Variants in MAPRE2 observed in about 807,000 individuals in gnomAD.
MAPRE2 encodes the protein microtubule-associated protein RP/EB family member 2.
MAPRE2 carries 13 observed loss-of-function variants against 43.2 expected under a neutral mutation model. The observed-to-expected ratio is 0.30, with a 90% confidence interval of 0.20 to 0.48. MAPRE2 has a LOEUF of 0.48. Among genes scored for constraint, MAPRE2 ranks in the 20% least tolerant of loss-of-function variants. The pLI is 0.99. For synonymous variants in MAPRE2, 135 were observed against 148.8 expected, an observed-to-expected ratio of 0.91 and a Z score of 0.68; for missense variants, 161 against 400.2, an observed-to-expected ratio of 0.40 and a Z score of 5.10.
chr18:34,979,478 G>A (rs2097014945), intron 1 of MAPRE2, among the ~76,000 whole-genome samples: 1 of 151,746 alleles, frequency 6.6e-6, no homozygotes, highest in African/African-American at 2.4e-5. Flanking sequence ...CACTCCCTTT[G>A]TAGCACACCA....
intron 2 of MAPRE2, among the ~76,000 whole-genome samples, chr18:35,015,304 A>T (rs2097037445): frequency 6.6e-6 from 1 of 152,114 alleles, no homozygotes; most frequent in Non-Finnish European, 1.5e-5. Context: ...ACTGTGTAAT[A>T]CCTGAACACC....
chr18:34,999,731 T>C (rs1173592571), intron 1 of MAPRE2, among the ~76,000 whole-genome samples: 1 of 152,150 alleles, frequency 6.6e-6, no homozygotes, highest in Admixed American at 6.5e-5. Flanking sequence ...GAAGAATGAG[T>C]TGTACCAGAC....
intron 4 of MAPRE2, among the ~76,000 whole-genome samples, chr18:35,106,560 G>T (rs1003150820): frequency 6.6e-6 from 1 of 152,132 alleles, no homozygotes; most frequent in South Asian, 2.1e-4. Flanking sequence ...GATTGCTTAT[G>T]TATAAAATAG....
intron 2 of MAPRE2, 56 bp downstream of exon 2, chr18:35,070,378 T>A: frequency 7.1e-7 from 1 of 1,414,508 alleles, no homozygotes; most frequent in Non-Finnish European, 9.4e-7. Flanking sequence ...TCATGTGGAA[T>A]GTGATTTTAT....
chr18:35,037,623 C>T (rs929645567), upstream of MAPRE2, among the ~76,000 whole-genome samples: 10 of 152,216 alleles, frequency 6.6e-5, no homozygotes, highest in Admixed American at 3.9e-4. Flanking sequence ...TAAGACAAAA[C>T]CTAAATCCAC....
chr18:34,986,772 G>A (rs929225950), intron 1 of MAPRE2, among the ~76,000 whole-genome samples: 1 of 152,196 alleles, frequency 6.6e-6, no homozygotes, highest in Admixed American at 6.5e-5. Context: ...CTTTTCTGTA[G>A]AGTTGCCAGG....
At chr18:35,036,870 G>A (rs184350111), upstream of MAPRE2, among the ~76,000 whole-genome samples, 12 of 152,272 alleles carry the variant, frequency 7.9e-5, no homozygotes, top group Admixed American at 1.3e-4. Context: ...CAGATAGAGC[G>A]GTGAACAAAA....
chr18:35,047,530 C>T (rs149301594), intron 1 of MAPRE2, among the ~76,000 whole-genome samples: 3 of 152,178 alleles, frequency 2.0e-5, no homozygotes, highest in African/African-American at 7.2e-5. Flanking sequence ...ACCTACAATT[C>T]ACATAGGCAA....
intron 4 of MAPRE2, among the ~76,000 whole-genome samples, chr18:35,109,205 A>G (rs753050948): frequency 6.6e-6 from 1 of 152,162 alleles, no homozygotes; most frequent in South Asian, 2.1e-4. Flanking sequence ...TCCCAGTACC[A>G]TTTACTGAAT....
chr18:35,068,804 G>A (rs1403633927), intron 1 of MAPRE2, among the ~76,000 whole-genome samples: 1 of 152,206 alleles, frequency 6.6e-6, no homozygotes, highest in Non-Finnish European at 1.5e-5. Flanking sequence ...GCAGTCAGAG[G>A]TAATAGTTAT....
chr18:35,110,341 T>C (rs1909122368), intron 4 of MAPRE2, among the ~76,000 whole-genome samples: 1 of 152,180 alleles, frequency 6.6e-6, no homozygotes, highest in South Asian at 2.1e-4. Flanking sequence ...TGACTACATG[T>C]AGAAATTATA....
intron 2 of MAPRE2, chr18:35,070,710 T>A (rs1473328743): frequency 6.5e-6 from 1 of 154,716 alleles, no homozygotes; most frequent in Non-Finnish European, 1.4e-5. Context: ...AGGATAAACT[T>A]CAAACTCTTT....
chr18:35,128,033 G>A (rs747614592), intron 5 of MAPRE2, among the ~76,000 whole-genome samples: 6 of 152,302 alleles, frequency 3.9e-5, no homozygotes, highest in Middle Eastern at 3.4e-3. Flanking sequence ...CACTGGGCCC[G>A]TCGTGGTGAT....
intron 4 of MAPRE2, among the ~76,000 whole-genome samples, chr18:35,117,029 T>G (rs1909442329): frequency 6.6e-6 from 1 of 152,130 alleles, no homozygotes; most frequent in Admixed American, 6.5e-5. Flanking sequence ...CTGAGAGGCT[T>G]TGCAGCAAAC....
chr18:35,140,209 C>T, intron 6 of MAPRE2, 86 bp from the exon 7 acceptor site: 1 of 1,220,692 alleles, frequency 8.2e-7, no homozygotes, highest in Non-Finnish European at 1.2e-6. Flanking sequence ...CTTGAGACGC[C>T]ATGCTGGCAG....
At chr18:35,019,649 GTC>G (rs2097040720) in intron 2 of MAPRE2, among the ~76,000 whole-genome samples, 1 of 152,088 alleles carries the variant, frequency 6.6e-6, no homozygotes, top group African/African-American at 2.4e-5. Context: ...TTTAATGTGT[GTC>G]AAATAGTCTG....
chr18:35,120,537 AG>A (rs1388803684), intron 4 of MAPRE2, among the ~76,000 whole-genome samples: 1 of 152,178 alleles, frequency 6.6e-6, no homozygotes, highest in Non-Finnish European at 1.5e-5. Context: ...GACAGTACGG[AG>A]GCAGTTTTGA....
In MAPRE2 at chr18:35,143,087, A is replaced by C. The variant is rs1376966533; in HGVS notation, c.*2718A>C. The C allele has an allele frequency of 6.6e-6, 1 of 150,750 alleles. No homozygotes were observed. The highest frequency in any genetic ancestry group is 1.5e-5 in the Non-Finnish European group (1 of 67,788). 9.3% of individuals were successfully genotyped at this position (150,750 alleles called of 1,614,324 possible). ...GAAAAGCAGGAAAAAAAAAAAAAAA[A>C]AAGAAAGAAAAACACCTGTTGACCT... is the stretch of plus-strand genomic sequence containing the variant. On this transcript the variant is annotated 3_prime_UTR_variant, in exon 7 of 7. Transcript: ENST00000300249.
chr18:35,136,323 T>C (rs542406814), intron 6 of MAPRE2, among the ~76,000 whole-genome samples: 7 of 152,332 alleles, frequency 4.6e-5, no homozygotes, highest in Admixed American at 4.6e-4. Context: ...CAGGCTGTGC[T>C]TCTGTCACTG....
Sources: allele counts gnomAD v4.1 joint callset (sites outside exome capture counted in the v4.1 genomes callset), GRCh38; gene constraint gnomAD v4.1.1; transcripts MANE v1.5; gene names NCBI Gene and HGNC (gene_info 2026-07-23, HGNC 2026-07-21).